Variants in PRIM1 observed in about 807,000 individuals in gnomAD.
PRIM1 encodes DNA primase small subunit.
Under a neutral mutation model 60.2 loss-of-function variants are expected in PRIM1, and 38 were observed. That is an observed-to-expected ratio of 0.63 (90% CI 0.49 to 0.83). The LOEUF is 0.83. Ranked by LOEUF, PRIM1 falls within the 40% of genes least tolerant of loss-of-function variation. The pLI is 0.00. For missense variants in PRIM1, 388 were observed against 506.2 expected (o/e 0.77, Z 2.24); for synonymous variants, 158 against 160.2 (o/e 0.99, Z 0.10).
intron 12 of PRIM1, 150 bp from the exon 13 acceptor site, chr12:56,731,884 G>T (rs778850554): frequency 2.1e-4 from 136 of 655,444 alleles, no homozygotes; most frequent in Non-Finnish European, 4.0e-5. Context: ...CACATCATAG[G>T]CTGAGCTAGT....
intron 2 of PRIM1, among the ~76,000 whole-genome samples, chr12:56,749,714 T>C (rs1953933131): frequency 6.6e-6 from 1 of 152,198 alleles, no homozygotes; most frequent in South Asian, 2.1e-4. Flanking sequence ...GTGCAAACTA[T>C]TCAAGTTCTC....
chr12:56,741,972 A>T, intron 7 of PRIM1, 135 bp from the exon 8 acceptor site: 1 of 918,488 alleles, frequency 1.1e-6, no homozygotes, highest in South Asian at 1.5e-5. Context: ...ATAAATGTTG[A>T]CTGGGCGTGG....
chr12:56,732,689 T>A (rs1953792413), intron 12 of PRIM1, among the ~76,000 whole-genome samples: 1 of 152,128 alleles, frequency 6.6e-6, no homozygotes, highest in South Asian at 2.1e-4. Context: ...ACTTGATGGC[T>A]TCCAGAGTAA....
chr12:56,752,235 G>A lies in PRIM1; in HGVS notation c.64C>T (p.Pro22Ser), dbSNP rs1592338316. 6.2e-7 allele frequency: 1 copy of A among 1,603,800 alleles called. No individual in the cohort carries two copies. Among genetic ancestry groups the A allele is most frequent in the Non-Finnish European group, 8.5e-7 (1 of 1,175,104 alleles). The change falls in exon 1 of 13, where the codon CCC becomes TCC. Residue 22 changes from proline (P) to serine (S), a missense_variant. Transcript: ENST00000338193. ...AGCCAGCGATAGTACTGAGAGTAGGGAAAGAGCCTCCGGTAATAAAGTTTA... is the reference window on the plus strand; with the variant it reads ...AGCCAGCGATAGTACTGAGAGTAGGAAAAGAGCCTCCGGTAATAAAGTTTA... ...LLKLYYRRLFPYSQYYRWLNY... is the reference protein window; with the variant it reads ...LLKLYYRRLFSYSQYYRWLNY...
chr12:56,738,389 AT>A, intron 11 of PRIM1, 44 bp downstream of exon 11: 1 of 1,496,198 alleles, frequency 6.7e-7, no homozygotes, highest in Non-Finnish European at 8.9e-7. Flanking sequence ...GGATATCTAT[AT>A]AAAAACCCTG....
intron 2 of PRIM1, 70 bp from the exon 3 acceptor site, chr12:56,747,102 C>T: frequency 7.7e-7 from 1 of 1,297,506 alleles, no homozygotes; most frequent in South Asian, 1.3e-5. Context: ...ATTTTCTACA[C>T]ATATGGAAAA....
At chr12:56,750,996 A>C (rs1485521907) in intron 2 of PRIM1, 42 bp downstream of exon 2, 1 of 1,305,142 alleles carries the variant, frequency 7.7e-7, no homozygotes, top group Non-Finnish European at 1.0e-6. Flanking sequence ...TTCTTGGTTT[A>C]CAAAATAAAA....
At chr12:56,736,980 CT>C (rs983436535) in intron 11 of PRIM1, among the ~76,000 whole-genome samples, 163 of 151,738 alleles carry the variant, frequency 1.1e-3, no homozygotes, top group African/African-American at 3.6e-3. Context: ...GAGACAGGGT[CT>C]CTCTGTGTTG....
chr12:56,741,408 G>T, intron 9 of PRIM1, 27 bp downstream of exon 9: 1 of 1,591,520 alleles, frequency 6.3e-7, no homozygotes, highest in South Asian at 1.1e-5. Context: ...TTTTCTTTTA[G>T]TTTTCCTTAG....
rs1156998996 is a variant in PRIM1 at position 56,734,175 on chromosome 12, G to A, written c.1215C>T (p.Ser405=). 6.2e-7 allele frequency: 1 copy of A among 1,607,296 alleles called. No homozygotes were observed. Reference sequence around the variant, plus strand: ...TCTTCTTAAGAAGTTCTCCTTTTCGGGATTTATCCAGATTTTCAAGAAAAT... The same window carrying A: ...TCTTCTTAAGAAGTTCTCCTTTTCGAGATTTATCCAGATTTTCAAGAAAAT... ...FEHFLENLDK[S]RKGELLKKSD... Residue 405 remains serine, a synonymous_variant, in exon 12 of 13, where the codon TCC becomes TCT. Coordinates refer to ENST00000338193, the MANE Select transcript of PRIM1 (RefSeq NM_000946.3).
chr12:56,747,178 T>C, intron 2 of PRIM1, 146 bp from the exon 3 acceptor site: 2 of 650,680 alleles, frequency 3.1e-6, no homozygotes, highest in Non-Finnish European at 5.3e-6. Context: ...TTCATTATTT[T>C]GGATCTTACA....
intron 11 of PRIM1, among the ~76,000 whole-genome samples, chr12:56,736,744 T>C (rs1953836005): frequency 6.6e-6 from 1 of 152,130 alleles, no homozygotes; most frequent in Non-Finnish European, 1.5e-5. Context: ...CCTCAGGTGA[T>C]CCACCCACCT....
rs138507980 is a variant in PRIM1 at position 56,746,050 on chromosome 12, C to G, written c.574G>C (p.Val192Leu). ...TAGAATTAAGAGGATCTTACCTTTA[C>G]AAGGCTCAAATACTCAACTATCCCA... ...RSGIVEYLSL[V>L]KGGQDVKKKV... Residue 192 changes from valine to leucine, a missense_variant, in exon 5 of 13, where the codon GTA becomes CTA. Val to Leu is a conservative substitution (Grantham distance 32). Around this residue, in one of 3 missense-constraint regions of PRIM1, gnomAD observed 211 missense variants for 277.9 expected, o/e 0.76. Transcript: ENST00000338193. The G allele has an allele frequency of 1.8e-4, 295 of 1,603,450 alleles. No individual in the cohort carries two copies. In the African/African-American group the frequency reaches 2.4e-3, roughly 13 times the overall value.
intron 5 of PRIM1, 149 bp from the exon 6 acceptor site, chr12:56,744,272 A>AG: frequency 1.8e-6 from 1 of 561,102 alleles, no homozygotes; most frequent in South Asian, 2.4e-5. Context: ...TGGGAGGCTG[A>AG]GGTGGGTGGA....
At chr12:56,742,406 T>C (rs1953879041) in intron 7 of PRIM1, among the ~76,000 whole-genome samples, 1 of 151,874 alleles carries the variant, frequency 6.6e-6, no homozygotes, top group Non-Finnish European at 1.5e-5. Flanking sequence ...CCCGTCTCTA[T>C]AAAAACACAA....
chr12:56,747,875 C>T (rs1266194459), intron 2 of PRIM1, among the ~76,000 whole-genome samples: 1 of 152,028 alleles, frequency 6.6e-6, no homozygotes, highest in African/African-American at 2.4e-5. Flanking sequence ...AGGCGCAACC[C>T]AATTTATACC....
Position 56,752,202 on chromosome 12 carries a change from C to G in PRIM1, c.97G>C (p.Gly33Arg). Reference sequence around the variant, plus strand: ...CATTCCTCGCCTCCATCACCTCCACCGTAGTTGAGCCAGCGATAGTACTGA... The same window carrying G: ...CATTCCTCGCCTCCATCACCTCCACGGTAGTTGAGCCAGCGATAGTACTGA... ...YSQYYRWLNY[G>R]GVIKNYFQHR... The change falls in exon 1 of 13, where the codon GGT becomes CGT. Residue 33 changes from glycine (G) to arginine (R), a missense_variant. This residue lies in a region of PRIM1 where 156 missense variants were observed against 175.8 expected (regional missense o/e 0.89). Transcript: ENST00000338193. 2 of 1,594,512 alleles carry G rather than the reference C, an allele frequency of 1.3e-6. No individual in the cohort carries two copies. Among genetic ancestry groups the G allele is most frequent in the Non-Finnish European group, 1.7e-6 (2 of 1,169,128 alleles).
At chr12:56,732,471 T>A (rs1222334761) in intron 12 of PRIM1, among the ~76,000 whole-genome samples, 1 of 152,230 alleles carries the variant, frequency 6.6e-6, no homozygotes, top group Non-Finnish European at 1.5e-5. Context: ...TCTTGGGCTC[T>A]ATTCTAGTCC....
At chr12:56,752,103 T>C (rs1953973545) in intron 1 of PRIM1, 93 bp downstream of exon 1, 2 of 866,434 alleles carry the variant, frequency 2.3e-6, no homozygotes, top group African/African-American at 1.7e-5. Flanking sequence ...CAAAGCCTGG[T>C]GCACAGAAGG....
Sources: gnomAD v4.1 joint callset for allele counts (sites outside exome capture counted in the v4.1 genomes callset) on GRCh38, gnomAD v4.1.1 for gene constraint, gnomAD v4.1.1 regional missense constraint, MANE v1.5 for transcripts, NCBI Gene and HGNC (gene_info 2026-07-23, HGNC 2026-07-21) for gene names.